Variants in CD99 observed in about 807,000 individuals in gnomAD.
CD99 encodes the protein CD99 molecule (Xg blood group), also known as CD99 antigen.
In CD99, 19 loss-of-function variants were observed where a neutral mutation model predicts 28.4. That is an observed-to-expected ratio of 0.67 (90% CI 0.47 to 0.98). CD99 has a LOEUF of 0.98. Among genes scored for constraint, CD99 ranks in the 50% least tolerant of loss-of-function variants. CD99 has a pLI of 0.00. For synonymous variants in CD99, 103 were observed against 92.1 expected (o/e 1.12, Z -0.67); for missense variants, 283 against 248.8 (o/e 1.14, Z -0.92).
chrX:2,714,027 A>G (rs915609209), intron 1 of CD99, among the ~76,000 whole-genome samples: 4 of 152,102 alleles, frequency 2.6e-5, no homozygotes, highest in African/African-American at 7.2e-5. Flanking sequence ...TTTCTACTAT[A>G]TTTTGGTTTG....
intron 1 of CD99, among the ~76,000 whole-genome samples, chrX:2,704,801 C>T (rs938061173): frequency 6.6e-6 from 1 of 151,782 alleles, no homozygotes; most frequent in African/African-American, 2.4e-5. Context: ...GCAATCTCAA[C>T]CTCCACAAGC....
At chrX:2,737,322 T>C (rs112357489) in intron 8 of CD99, among the ~76,000 whole-genome samples, 5,481 of 150,592 alleles carry the variant, frequency 0.036, 136 homozygotes, top group Non-Finnish European at 0.056. Context: ...GGACTACAGG[T>C]GCACGCCACC....
intron 1 of CD99, among the ~76,000 whole-genome samples, chrX:2,710,078 G>A (rs1486507621): frequency 2.0e-5 from 3 of 152,210 alleles, no homozygotes; most frequent in Admixed American, 1.3e-4. Context: ...CCCTTTCTGT[G>A]GAAATATATA....
chrX:2,728,327 C>G (rs1285610719), intron 8 of CD99, among the ~76,000 whole-genome samples: 2 of 151,074 alleles, frequency 1.3e-5, no homozygotes, highest in East Asian at 3.9e-4. Flanking sequence ...TCCCGAGTAG[C>G]TGGGATTACA....
chrX:2,700,672 A>G (rs766160877), intron 1 of CD99, among the ~76,000 whole-genome samples: 8 of 151,494 alleles, frequency 5.3e-5, no homozygotes, highest in African/African-American at 1.9e-4. Context: ...TGCATCATCC[A>G]TGCATCCATC....
At chrX:2,732,243 G>T (rs1372857421) in intron 8 of CD99, among the ~76,000 whole-genome samples, 1 of 151,962 alleles carries the variant, frequency 6.6e-6, no homozygotes, top group African/African-American at 2.4e-5. Flanking sequence ...TTGGCTTCGC[G>T]GGGGACCTGG....
intron 1 of CD99, among the ~76,000 whole-genome samples, chrX:2,703,417 G>A (rs311045): frequency 0.54 from 82,733 of 151,808 alleles, 22,708 homozygotes; most frequent in African/African-American, 0.59. Context: ...TCTATTCACT[G>A]CGGTGTCTTT....
At chrX:2,733,526 G>GAGAATCCGCCATGT in intron 8 of CD99, 1 of 764,060 alleles carries the variant, frequency 1.3e-6, no homozygotes, top group Non-Finnish European at 2.2e-6. Flanking sequence ...ATCACATGGC[G>GAGAATCCGCCATGT]GATTCTCTGC....
intron 2 of CD99, among the ~76,000 whole-genome samples, chrX:2,716,330 T>C (rs908427852): frequency 5.6e-5 from 8 of 142,000 alleles, no homozygotes; most frequent in African/African-American, 2.0e-4. Flanking sequence ...CTCTTCACTT[T>C]TTTATGTTTT....
intron 1 of CD99, among the ~76,000 whole-genome samples, chrX:2,708,638 G>C (rs1446495891): frequency 6.6e-6 from 1 of 152,204 alleles, no homozygotes; most frequent in Non-Finnish European, 1.5e-5. Flanking sequence ...TCCAAGTGCG[G>C]GGCTGAGGCG....
At position 2,726,524 on chromosome X, in the gene CD99, C is replaced by T. The variant is rs2049293955; in HGVS notation, c.475+151C>T. The T allele has an allele frequency of 1.0e-5, 7 of 702,126 alleles. No homozygotes were observed. In the South Asian group the frequency reaches 1.0e-4, roughly 11 times the overall value. The allele number at this position is 702,126 out of a possible 1,614,324, so 43.5% of individuals were successfully genotyped here. ...AAACTGCTAAAATTCTGGAATCGAA[C>T]CTTCTGGCTTTGATTTCAGGGCTGT... On this transcript the variant is annotated intron_variant, in intron 8 of 9. Coordinates refer to ENST00000381192, the MANE Select transcript of CD99 (RefSeq NM_002414.5).
chrX:2,727,334 C>A (rs755094784), intron 8 of CD99: 1 of 779,158 alleles, frequency 1.3e-6, no homozygotes, highest in South Asian at 1.3e-5. Context: ...TGGGATCCGC[C>A]GTGAAGCTGG....
chrX:2,716,422 G>A (rs1386577018), intron 2 of CD99, among the ~76,000 whole-genome samples: 2 of 152,020 alleles, frequency 1.3e-5, no homozygotes, highest in Admixed American at 1.3e-4. Context: ...CTGCAGCCTT[G>A]ACCGTCTGGG....
Position 2,741,131 on chromosome X carries a change from C to T in CD99, c.*327C>T, listed in dbSNP as rs1202768930. On this transcript the variant is annotated 3_prime_UTR_variant, in exon 10 of 10. Transcript: ENST00000381192. ...CCCCACCGAGGCACCCCCCCGTCCC[C>T]CAGAATCTTGGCTGTTTACAAATCA... 2.7e-6 allele frequency: 1 copy of T among 376,144 alleles called. No individual in the cohort carries two copies. Among genetic ancestry groups the T allele is most frequent in the Non-Finnish European group, 4.8e-6 (1 of 208,162 alleles). 23.3% of individuals were successfully genotyped at this position (376,144 alleles called of 1,614,324 possible).
chrX:2,739,453 AT>A (rs2050099760), intron 9 of CD99, among the ~76,000 whole-genome samples: 1 of 151,118 alleles, frequency 6.6e-6, no homozygotes, highest in Non-Finnish European at 1.5e-5. Context: ...AAATATTTTA[AT>A]TTTTTTTCTT....
intron 3 of CD99, chrX:2,719,289 G>A (rs1275801330): frequency 4.1e-6 from 1 of 245,456 alleles, no homozygotes; most frequent in African/African-American, 2.3e-5. Context: ...AGGAGAGGAT[G>A]ATGGGATGGG....
At chrX:2,705,001 C>T (rs1273266836) in intron 1 of CD99, among the ~76,000 whole-genome samples, 2 of 152,224 alleles carry the variant, frequency 1.3e-5, no homozygotes, top group Non-Finnish European at 2.9e-5. Flanking sequence ...AGGCGTGAGC[C>T]ACTGTACCCG....
In CD99 at chrX:2,739,159, G is replaced by A. The variant is rs370219109; in HGVS notation, c.532+903G>A. 6.6e-5 allele frequency among the ~76,000 whole-genome samples: 10 copies of A among 152,082 alleles called. No individual in the cohort carries two copies. In the East Asian group the frequency reaches 9.7e-4, roughly 15 times the overall value. ...GCTGGGGTTCTAGGCGTGAACTACC[G>A]CACCCAGCCTGCTATCACCTTCTAA... On this transcript the variant is annotated intron_variant, in intron 9 of 9. Coordinates refer to ENST00000381192, the MANE Select transcript of CD99 (RefSeq NM_002414.5).
chrX:2,730,118 C>A (rs2124218031), intron 8 of CD99, among the ~76,000 whole-genome samples: 1 of 152,248 alleles, frequency 6.6e-6, no homozygotes, highest in East Asian at 1.9e-4. Flanking sequence ...TGCACCACTG[C>A]ACTCCAGCCT....
Sources: allele counts gnomAD v4.1 joint callset (sites outside exome capture counted in the v4.1 genomes callset), GRCh38; gene constraint gnomAD v4.1.1; transcripts MANE v1.5; gene names NCBI Gene and HGNC (gene_info 2026-07-23, HGNC 2026-07-21).